RNASEH2C: variants seen among roughly 807,000 people sequenced by gnomAD.
RNASEH2C encodes the protein ribonuclease H2 subunit C.
A neutral mutation model predicts 16.3 loss-of-function variants in RNASEH2C; 20 were observed. That is an observed-to-expected ratio of 1.23 (90% CI 0.86 to 1.79). RNASEH2C has a LOEUF of 1.79. Ranked by LOEUF, RNASEH2C falls within the 40% of genes most tolerant of loss-of-function variation. RNASEH2C has a pLI of 0.00. For missense variants in RNASEH2C, 296 were observed against 235.9 expected (o/e 1.25, Z -1.67); for synonymous variants, 106 against 98.9 (o/e 1.07, Z -0.43).
chr11:65,720,704 C>T lies in RNASEH2C; in HGVS notation c.55G>A (p.Ala19Thr), dbSNP rs1333619773. ...GCGGGTACGGCGTCGCGCAATGTGG[C>T]GGAGCGCAAGTGGACGCGGTGCCTC... is the stretch of plus-strand genomic sequence containing the variant. The part of the protein sequence containing the change: ...IERHRVHLRS[A>T]TLRDAVPATL... Residue 19 changes from alanine to threonine, a missense_variant, in exon 1 of 4, where the codon GCC becomes ACC. Coordinates refer to ENST00000308418, the MANE Select transcript of RNASEH2C (RefSeq NM_032193.4). 11 of 1,595,768 alleles carry T rather than the reference C, an allele frequency of 6.9e-6. No homozygotes were observed. The highest frequency in any genetic ancestry group is 9.4e-6 in the Non-Finnish European group (11 of 1,175,000).
In RNASEH2C at chr11:65,720,744, G is replaced by T. The variant is rs1310807864; in HGVS notation, c.15C>A (p.Asp5Glu). 3 of 1,593,396 alleles carry T rather than the reference G, an allele frequency of 1.9e-6. No individual in the cohort carries two copies. Among genetic ancestry groups the T allele is most frequent in the Admixed American group, 3.4e-5 (2 of 58,926 alleles). ...CGCGGTGCCTCTCGATGGCCGCTTC[G>T]TCGCCGCTCTCCATCCTCCCTCCTA... Reference protein sequence around the residue: MESGDEAAIERHRVH... With the variant: MESGEEAAIERHRVH... Residue 5 changes from aspartate to glutamate, a missense_variant, in exon 1 of 4, where the codon GAC (aspartate) becomes GAA (glutamate). Coordinates refer to ENST00000308418, the MANE Select transcript of RNASEH2C (RefSeq NM_032193.4).
In RNASEH2C at chr11:65,720,796, A is replaced by G. The variant is rs769979857; in HGVS notation, c.-38T>C. ...GCGACGCCAGGGCTCGCGAGCTGAC[A>G]CTGAAGCTGGCGCGGAAAGCGCGCA... On this transcript the variant is annotated 5_prime_UTR_variant, in exon 1 of 4. Transcript: ENST00000308418. 17 of 1,561,542 alleles carry G rather than the reference A, an allele frequency of 1.1e-5. No homozygotes were observed. The East Asian group carries it at 3.3e-4, about 31-fold the overall frequency.
rs1565213376 is a variant in RNASEH2C, at chr11:65,720,259, G to C, written c.331C>G (p.Pro111Ala). 6.2e-7 allele frequency: 1 copy of C among 1,614,278 alleles called. No homozygotes were observed. Among genetic ancestry groups the C allele is most frequent in the Admixed American group, 1.7e-5 (1 of 60,036 alleles). The change falls in exon 2 of 4, where the codon CCG (proline) becomes GCG (alanine). Residue 111 changes from proline (P) to alanine (A), a missense_variant. Pro to Ala is a conservative substitution (Grantham distance 27, BLOSUM62 -1). Transcript: ENST00000308418. ...DSGTDDQEEEPLERDFDRFIG... is the reference protein window; with the variant it reads ...DSGTDDQEEEALERDFDRFIG... ...TTGCTCACGAAGTCCCGCTCCAGCG[G>C]CTCCTCCTCTTGGTCGTCAGTCCCG... is the stretch of plus-strand genomic sequence containing the variant.
In RNASEH2C at chr11:65,719,639, G is replaced by C; in HGVS notation, c.*144C>G. 1 of 821,902 alleles carries C rather than the reference G, an allele frequency of 1.2e-6. No homozygotes were observed. Among genetic ancestry groups the C allele is most frequent in the Non-Finnish European group, 2.1e-6 (1 of 475,084 alleles). The allele number at this position is 821,902 out of a possible 1,614,324, so 50.9% of individuals were successfully genotyped here. A position where few individuals can be genotyped will look rare whatever the true frequency, so the allele number is the denominator to read the frequency against. On this transcript the variant is annotated 3_prime_UTR_variant, in exon 4 of 4. Transcript: ENST00000308418. ...AAAGTTCTTGGTGGGGAGGGGGAAA[G>C]GGCCCATGCTGGCTTAGGGGCTCTA...
chr11:65,719,529 G>C lies in RNASEH2C; in HGVS notation c.*254C>G. On this transcript the variant is annotated 3_prime_UTR_variant, in exon 4 of 4. Coordinates refer to ENST00000308418, the MANE Select transcript of RNASEH2C (RefSeq NM_032193.4). Reference sequence around the variant, plus strand: ...TTTGTAAAGTAGAAGTTGGGGGTGGGGTGGGTGCTGGCTGCAAAAATTTCT... The same window carrying C: ...TTTGTAAAGTAGAAGTTGGGGGTGGCGTGGGTGCTGGCTGCAAAAATTTCT... 1 of 615,022 alleles carries C rather than the reference G, an allele frequency of 1.6e-6. No individual in the cohort carries two copies. Among genetic ancestry groups the C allele is most frequent in the Non-Finnish European group, 2.9e-6 (1 of 349,270 alleles). The allele number at this position is 615,022 out of a possible 1,614,324, so 38.1% of individuals were successfully genotyped here. A position where few individuals can be genotyped will look rare whatever the true frequency, so the allele number is the denominator to read the frequency against.
At position 65,720,565 on chromosome 11, in the gene RNASEH2C, G is replaced by A. The variant is rs531535722; in HGVS notation, c.172+22C>T. On this transcript the variant is annotated intron_variant, in intron 1 of 3. Transcript: ENST00000308418. Reference sequence around the variant, plus strand: ...GCCGGCGCGGGGGCTGCCGGGAGCCGTAGTCCGGCCGCAGGGCTCACCCTC... The same window carrying A: ...GCCGGCGCGGGGGCTGCCGGGAGCCATAGTCCGGCCGCAGGGCTCACCCTC... The A allele has an allele frequency of 1.2e-5, 18 of 1,518,638 alleles. No individual in the cohort carries two copies. The African/African-American group carries it at 2.5e-4, about 21-fold the overall frequency. The allele number at this position is 1,518,638 out of a possible 1,614,324, so 94.1% of individuals were successfully genotyped here. A position where few individuals can be genotyped will look rare whatever the true frequency, so the allele number is the denominator to read the frequency against.
chr11:65,720,533 CGCGCAGG>C (rs1202929793), intron 1 of RNASEH2C, 47 bp downstream of exon 1: 223 of 1,534,414 alleles, frequency 1.5e-4, no homozygotes, highest in Non-Finnish European at 1.9e-4. Flanking sequence ...CGATGAGAAG[CGCGCAGG>C]CCGGCGCGGG....
Position 65,720,328 on chromosome 11 carries a change from CTT to C in RNASEH2C, c.260_261del (p.Glu87GlyfsTer18). ...PGLVGYVMVT[E>X]EKKVSMGKPD... is the part of the protein sequence containing the mutation. ...GGCTTCCCCATCGACACCTTCTTCT[CTT>C]CTGTCACCATCACGTATCCCACGAG... On this transcript the variant is annotated frameshift_variant, in exon 2 of 4. Transcript: ENST00000308418. LOFTEE classifies it high-confidence loss of function. The C allele has an allele frequency of 6.2e-7, 1 of 1,614,278 alleles. No homozygotes were observed. Among genetic ancestry groups the C allele is most frequent in the South Asian group, 1.1e-5 (1 of 91,086 alleles).
chr11:65,720,721 C>T lies in RNASEH2C; in HGVS notation c.38G>A (p.Arg13His), dbSNP rs75328625. The T allele has an allele frequency of 4.4e-6, 7 of 1,597,620 alleles. No homozygotes were observed. The South Asian group carries it at 6.7e-5, about 15-fold the overall frequency. The change falls in exon 1 of 4, where the codon CGC (arginine) becomes CAC (histidine). Residue 13 changes from arginine to histidine, a missense_variant. Coordinates refer to ENST00000308418, the MANE Select transcript of RNASEH2C (RefSeq NM_032193.4). ...CAATGTGGCGGAGCGCAAGTGGACG[C>T]GGTGCCTCTCGATGGCCGCTTCGTC... ...SGDEAAIERH[R>H]VHLRSATLRD...
At position 65,720,058 on chromosome 11, in the gene RNASEH2C, C is replaced by G. The variant is rs781376271; in HGVS notation, c.455G>C (p.Ser152Thr). 1 of 1,613,830 alleles carries G rather than the reference C, an allele frequency of 6.2e-7. No individual in the cohort carries two copies. The highest frequency in any genetic ancestry group is 2.2e-5 in the East Asian group (1 of 44,878). ...TCGTCTACTCACCGCTGCCGCAAGG[C>G]TGGGCCAAGTTAAGGCCCCACGCAC... is the stretch of plus-strand genomic sequence containing the variant. ...AKVRGALTWP[S>T]LAAAIHAQVP... The change falls in exon 3 of 4, where the codon AGC becomes ACC. Residue 152 changes from serine (S) to threonine (T), a missense_variant. Physicochemically the swap from Ser to Thr is moderately conservative, Grantham distance 58. Coordinates refer to ENST00000308418, the MANE Select transcript of RNASEH2C (RefSeq NM_032193.4).
In RNASEH2C at chr11:65,720,042, C is replaced by T. The variant is rs778537417; in HGVS notation, c.468+3G>A. ...GGCAAGACGGAACTCCTCGTCTACT[C>T]ACCGCTGCCGCAAGGCTGGGCCAAG... is the stretch of plus-strand genomic sequence containing the variant. On this transcript the variant is annotated splice_donor_region_variant and intron_variant, in intron 3 of 3. Coordinates refer to ENST00000308418, the MANE Select transcript of RNASEH2C (RefSeq NM_032193.4). 11 of 1,613,258 alleles carry T rather than the reference C, an allele frequency of 6.8e-6. No homozygotes were observed. The highest frequency in any genetic ancestry group is 1.1e-5 in the South Asian group (1 of 91,090).
At position 65,718,583 on chromosome 11, in the gene RNASEH2C, G is replaced by A. The variant is rs770248485; in HGVS notation, c.*1200C>T. Reference sequence around the variant, plus strand: ...CTTACTCACCCTCTCCTGCTCCATTGCTTTAGGCTATGAACTCTCCAAAGT... The same window carrying A: ...CTTACTCACCCTCTCCTGCTCCATTACTTTAGGCTATGAACTCTCCAAAGT... On this transcript the variant is annotated 3_prime_UTR_variant, in exon 4 of 4. Transcript: ENST00000308418. 4 of 1,613,446 alleles carry A rather than the reference G, an allele frequency of 2.5e-6. No individual in the cohort carries two copies. Among genetic ancestry groups the A allele is most frequent in the Non-Finnish European group, 3.4e-6 (4 of 1,179,552 alleles).
In RNASEH2C at chr11:65,720,641, C is replaced by G. The variant is rs1225154500; in HGVS notation, c.118G>C (p.Gly40Arg). ...HLLPCEVAVD[G>R]PAPVGRFFTP... ...AAGAAGCGCCCCACCGGGGCGGGCC[C>G]GTCCACCGCAACCTCGCAGGGCAGC... Residue 40 changes from glycine (G) to arginine (R), a missense_variant, in exon 1 of 4, where the codon GGG (glycine) becomes CGG (arginine). Coordinates refer to ENST00000308418, the MANE Select transcript of RNASEH2C (RefSeq NM_032193.4). 1.3e-6 allele frequency: 2 copies of G among 1,567,678 alleles called. No individual in the cohort carries two copies. The highest frequency in any genetic ancestry group is 8.6e-7 in the Non-Finnish European group (1 of 1,160,866).
In RNASEH2C at chr11:65,718,579, C is replaced by T. The variant is rs1487057223; in HGVS notation, c.*1204G>A. 3.1e-6 allele frequency: 5 copies of T among 1,611,806 alleles called. No individual in the cohort carries two copies. Among genetic ancestry groups the T allele is most frequent in the Admixed American group, 1.7e-5 (1 of 59,742 alleles). Reference sequence around the variant, plus strand: ...ACCTCTTACTCACCCTCTCCTGCTCCATTGCTTTAGGCTATGAACTCTCCA... The same window carrying T: ...ACCTCTTACTCACCCTCTCCTGCTCTATTGCTTTAGGCTATGAACTCTCCA... On this transcript the variant is annotated 3_prime_UTR_variant, in exon 4 of 4. Transcript: ENST00000308418.
Position 65,718,516 on chromosome 11 carries a change from C to T in RNASEH2C, c.*1267G>A, listed in dbSNP as rs1464365813. On this transcript the variant is annotated 3_prime_UTR_variant, in exon 4 of 4. Transcript: ENST00000308418. The stretch of plus-strand genomic sequence containing the variant: ...ATAGGAACTAGGCAGCCTGCCTTGG[C>T]AACCTGTGTTTTTAAATGTTGCTTA... The T allele has an allele frequency of 2.0e-6, 3 of 1,521,722 alleles. No homozygotes were observed. In the Admixed American group the frequency reaches 5.5e-5, roughly 28 times the overall value. 94.3% of individuals were successfully genotyped at this position (1,521,722 alleles called of 1,614,324 possible).
At position 65,718,600 on chromosome 11, in the gene RNASEH2C, C is replaced by G; in HGVS notation, c.*1183G>C. The stretch of plus-strand genomic sequence containing the variant: ...GCTCCATTGCTTTAGGCTATGAACT[C>G]TCCAAAGTGGAAGGGAAAACAGGGA... On this transcript the variant is annotated 3_prime_UTR_variant, in exon 4 of 4. Transcript: ENST00000308418. 6.2e-7 allele frequency: 1 copy of G among 1,614,180 alleles called. No individual in the cohort carries two copies. The highest frequency in any genetic ancestry group is 1.3e-5 in the African/African-American group (1 of 75,048).
At position 65,719,754 on chromosome 11, in the gene RNASEH2C, T is replaced by C. The variant is rs886048499; in HGVS notation, c.*29A>G. The C allele has an allele frequency of 1.9e-6, 3 of 1,613,214 alleles. No individual in the cohort carries two copies. Among genetic ancestry groups the C allele is most frequent in the Non-Finnish European group, 2.5e-6 (3 of 1,179,282 alleles). On this transcript the variant is annotated 3_prime_UTR_variant, in exon 4 of 4. Transcript: ENST00000308418. ...GAGCTGGTTTACTGCTGTGAAGGGA[T>C]CGCAGCTTTGAATTTCAAGCTCTGG...
In RNASEH2C at chr11:65,719,577, C is replaced by A. The variant is rs571237955; in HGVS notation, c.*206G>T. On this transcript the variant is annotated 3_prime_UTR_variant, in exon 4 of 4. Transcript: ENST00000308418. ...TCTGGCTTCTCTTACCCCTATTGCC[C>A]CCGGCAATAAATTGTTTCTATATGC... is the stretch of plus-strand genomic sequence containing the variant. 1 of 656,726 alleles carries A rather than the reference C, an allele frequency of 1.5e-6. No homozygotes were observed. Among genetic ancestry groups the A allele is most frequent in the African/African-American group, 1.8e-5 (1 of 55,062 alleles). The allele number at this position is 656,726 out of a possible 1,614,324, so 40.7% of individuals were successfully genotyped here.
At position 65,720,262 on chromosome 11, in the gene RNASEH2C, C is replaced by T. The variant is rs759057632; in HGVS notation, c.328G>A (p.Glu110Lys). 1.5e-5 allele frequency: 24 copies of T among 1,614,248 alleles called. No individual in the cohort carries two copies. The highest frequency in any genetic ancestry group is 2.2e-5 in the South Asian group (2 of 91,076). ...RDSGTDDQEE[E>K]PLERDFDRFI... Reference sequence around the variant, plus strand: ...CTCACGAAGTCCCGCTCCAGCGGCTCCTCCTCTTGGTCGTCAGTCCCGGAA... The same window carrying T: ...CTCACGAAGTCCCGCTCCAGCGGCTTCTCCTCTTGGTCGTCAGTCCCGGAA... The change falls in exon 2 of 4, where the codon GAG becomes AAG. Residue 110 changes from glutamate to lysine, a missense_variant. Physicochemically the swap from Glu to Lys is moderately conservative, Grantham distance 56. Transcript: ENST00000308418.
Sources: allele counts gnomAD v4.1 joint callset, GRCh38; gene constraint gnomAD v4.1.1; transcripts MANE v1.5; gene names NCBI Gene and HGNC (gene_info 2026-07-23, HGNC 2026-07-21).